Variants in CEP70 observed in about 807,000 individuals in gnomAD.
The protein encoded by CEP70 is centrosomal protein of 70 kDa.
A neutral mutation model predicts 90.9 loss-of-function variants in CEP70; 70 were observed. The ratio of observed to expected loss-of-function variants is 0.77; its 90% CI spans 0.64 to 0.94. CEP70 has a LOEUF of 0.94. Ranked by LOEUF, CEP70 falls within the 40% of genes least tolerant of loss-of-function variation. The probability of loss-of-function intolerance (pLI) is 0.00; values close to 1 mark genes in which losing one functional copy is unlikely to be tolerated. For missense variants in CEP70, 648 were observed against 669.0 expected (o/e 0.97, Z 0.35); for synonymous variants, 220 against 228.3 (o/e 0.96, Z 0.33).
intron 11 of CEP70, among the ~76,000 whole-genome samples, chr3:138,521,559 G>A (rs1164658216): frequency 4.9e-5 from 7 of 143,494 alleles, no homozygotes; most frequent in South Asian, 2.3e-4. Flanking sequence ...TGTGAGGAGC[G>A]CCTCTGCCCG....
At chr3:138,541,430 G>GAAA (rs36091559) in intron 6 of CEP70, among the ~76,000 whole-genome samples, 1 of 144,478 alleles carries the variant, frequency 6.9e-6, no homozygotes, top group Non-Finnish European at 1.5e-5. Flanking sequence ...AAAAGAAAAA[G>GAAA]AAAAAAAAAA....
rs781034203 is a variant in CEP70, at chr3:138,532,610, T to C, written c.636-40A>G. The C allele has an allele frequency of 1.2e-5, 6 of 494,170 alleles. No homozygotes were observed. In the South Asian group the frequency reaches 1.5e-4, roughly 13 times the overall value. The allele number at this position is 494,170 out of a possible 1,614,324, so 30.6% of individuals were successfully genotyped here. A position where few individuals can be genotyped will look rare whatever the true frequency, so the allele number is the denominator to read the frequency against. On this transcript the variant is annotated intron_variant, in intron 7 of 17. Coordinates refer to ENST00000264982, the MANE Select transcript of CEP70 (RefSeq NM_024491.4). ...ATTGAATTATTTTCAAAATGCGGTATGGTATTACAGCATCTACTAGTTTCA... is the reference window on the plus strand; with the variant it reads ...ATTGAATTATTTTCAAAATGCGGTACGGTATTACAGCATCTACTAGTTTCA...
intron 11 of CEP70, among the ~76,000 whole-genome samples, chr3:138,519,158 G>T (rs182070148): frequency 1.1e-3 from 161 of 152,258 alleles, no homozygotes; most frequent in African/African-American, 3.7e-3. Flanking sequence ...AATGAACAAA[G>T]CCTCCAAGAA....
chr3:138,545,863 G>C (rs956177597), intron 6 of CEP70, among the ~76,000 whole-genome samples: 12 of 152,218 alleles, frequency 7.9e-5, no homozygotes, highest in African/African-American at 2.9e-4. Context: ...GTAAATTTGA[G>C]GTCAGATCAG....
intron 6 of CEP70, among the ~76,000 whole-genome samples, chr3:138,550,712 G>C (rs1453275423): frequency 1.3e-5 from 2 of 152,168 alleles, no homozygotes; most frequent in African/African-American, 4.8e-5. Flanking sequence ...AAAGGACAAA[G>C]AGAAAGGCAA....
At chr3:138,579,255 G>A (rs1416491852) in intron 2 of CEP70, among the ~76,000 whole-genome samples, 2 of 152,020 alleles carry the variant, frequency 1.3e-5, no homozygotes, top group Non-Finnish European at 2.9e-5. Context: ...AGTGCTCTGG[G>A]GTCCTAAATA....
chr3:138,531,114 T>C lies in CEP70; in HGVS notation c.692+1400A>G, dbSNP rs371128796. On this transcript the variant is annotated intron_variant, in intron 8 of 17. Coordinates refer to ENST00000264982, the MANE Select transcript of CEP70 (RefSeq NM_024491.4). The stretch of plus-strand genomic sequence containing the variant: ...AAAATACTTTACTTCAGCTAGACAA[T>C]TGATGAAAAGCTTTTTAAGTTAAAA... 3.9e-5 allele frequency among the ~76,000 whole-genome samples: 6 copies of C among 152,260 alleles called. No individual in the cohort carries two copies. The East Asian group carries it at 5.8e-4, about 15-fold the overall frequency.
intron 6 of CEP70, among the ~76,000 whole-genome samples, chr3:138,548,366 A>T (rs1329861273): frequency 6.6e-6 from 1 of 152,204 alleles, no homozygotes; most frequent in Non-Finnish European, 1.5e-5. Flanking sequence ...TTCCTTTCTA[A>T]GATCATGGTA....
At chr3:138,525,425 T>TA in intron 11 of CEP70, 65 bp downstream of exon 11, 1 of 574,150 alleles carries the variant, frequency 1.7e-6, no homozygotes, top group South Asian at 4.1e-5. Context: ...AAAATAAAAA[T>TA]AAAAATAAAT....
At chr3:138,572,463 CA>C (rs1357057062) in intron 3 of CEP70, among the ~76,000 whole-genome samples, 1 of 152,140 alleles carries the variant, frequency 6.6e-6, no homozygotes, top group Non-Finnish European at 1.5e-5. Flanking sequence ...CTCATAAAAA[CA>C]AAATGCTCTA....
chr3:138,514,805 G>T (rs987949866), intron 11 of CEP70, among the ~76,000 whole-genome samples: 51 of 152,010 alleles, frequency 3.4e-4, no homozygotes, highest in African/African-American at 1.1e-3. Context: ...GAGTCAGAAT[G>T]ATTGGGTAAG....
intron 2 of CEP70, among the ~76,000 whole-genome samples, chr3:138,585,828 T>C (rs2042079983): frequency 6.6e-6 from 1 of 152,112 alleles, no homozygotes; most frequent in African/African-American, 2.4e-5. Flanking sequence ...GGGATATCCA[T>C]ATGCAGAAGA....
At chr3:138,522,485 A>G (rs953848608) in intron 11 of CEP70, among the ~76,000 whole-genome samples, 9 of 152,178 alleles carry the variant, frequency 5.9e-5, no homozygotes, top group African/African-American at 2.2e-4. Context: ...AGCAAGACTA[A>G]TAAAGAAGAA....
chr3:138,521,220 C>T (rs1224559661), intron 11 of CEP70, among the ~76,000 whole-genome samples: 1 of 152,322 alleles, frequency 6.6e-6, no homozygotes. Flanking sequence ...AGCCTCTGCC[C>T]GGCCACCACC....
At chr3:138,585,061 C>G (rs1206863452) in intron 2 of CEP70, among the ~76,000 whole-genome samples, 1 of 151,888 alleles carries the variant, frequency 6.6e-6, no homozygotes, top group African/African-American at 2.4e-5. Context: ...AGCAGTTAGA[C>G]ATGAGAAAGG....
chr3:138,554,175 TGGA>T (rs2039829036), intron 6 of CEP70, among the ~76,000 whole-genome samples: 1 of 149,718 alleles, frequency 6.7e-6, no homozygotes, highest in African/African-American at 2.5e-5. Flanking sequence ...CACTCTAGCC[TGGA>T]CAACAGAGTG....
chr3:138,530,655 T>C (rs1031114970), intron 8 of CEP70: 1 of 985,304 alleles, frequency 1.0e-6, no homozygotes, highest in Non-Finnish European at 1.2e-6. Flanking sequence ...ACAGCTCTTC[T>C]CCTCTGCTTC....
At chr3:138,518,607 C>A (rs1056117800) in intron 11 of CEP70, among the ~76,000 whole-genome samples, 2 of 152,214 alleles carry the variant, frequency 1.3e-5, no homozygotes, top group Non-Finnish European at 2.9e-5. Flanking sequence ...TCCAACAGAC[C>A]TGCAGCTGAG....
chr3:138,546,563 A>G (rs908135017), intron 6 of CEP70, among the ~76,000 whole-genome samples: 1 of 152,162 alleles, frequency 6.6e-6, no homozygotes, highest in African/African-American at 2.4e-5. Flanking sequence ...AGCCTGGCCA[A>G]CATGGTGAAA....
Sources: allele counts gnomAD v4.1 joint callset (sites outside exome capture counted in the v4.1 genomes callset), GRCh38; gene constraint gnomAD v4.1.1; transcripts MANE v1.5; gene names NCBI Gene and HGNC (gene_info 2026-07-23, HGNC 2026-07-21).